Variants in RABGAP1L observed in about 807,000 individuals in gnomAD.
RABGAP1L encodes the protein rab GTPase-activating protein 1-like.
In RABGAP1L, 63 loss-of-function variants were observed where a neutral mutation model predicts 137.7. That is an observed-to-expected ratio of 0.46 (90% CI 0.37 to 0.56). The LOEUF is 0.56. Among genes scored for constraint, RABGAP1L ranks in the 20% least tolerant of loss-of-function variants. RABGAP1L has a pLI of 0.00. For missense variants in RABGAP1L, 1,095 were observed against 1,244.0 expected (o/e 0.88, Z 1.80); for synonymous variants, 431 against 433.7 (o/e 0.99, Z 0.08).
intron 4 of RABGAP1L, among the ~76,000 whole-genome samples, chr1:174,236,891 T>C (rs2148531498): frequency 2.0e-5 from 2 of 99,436 alleles, no homozygotes; most frequent in South Asian, 8.6e-4. Context: ...CCATTATTAA[T>C]GTGTGGGAGT....
chr1:174,696,850 T>C (rs139757764), intron 15 of RABGAP1L, among the ~76,000 whole-genome samples: 5 of 152,336 alleles, frequency 3.3e-5, no homozygotes, highest in African/African-American at 9.6e-5. Flanking sequence ...CTCACCTGAT[T>C]TTTTGTTTTT....
At chr1:174,732,121 C>T (rs751722844) in intron 17 of RABGAP1L, among the ~76,000 whole-genome samples, 5 of 151,988 alleles carry the variant, frequency 3.3e-5, no homozygotes, top group Admixed American at 6.6e-5. Flanking sequence ...ATCACTTGGA[C>T]CTGGAAGGTG....
intron 15 of RABGAP1L, among the ~76,000 whole-genome samples, chr1:174,691,529 G>C (rs980009258): frequency 5.9e-5 from 9 of 152,004 alleles, no homozygotes; most frequent in African/African-American, 2.2e-4. Context: ...TTTTTGTTTT[G>C]TATTTCATAA....
chr1:174,954,120 A>G (rs994831153), intron 19 of RABGAP1L: 2 of 152,210 alleles, frequency 1.3e-5, no homozygotes, highest in African/African-American at 4.8e-5. Context: ...GTCCTGAAAG[A>G]TGGTTTAAAA....
Position 174,994,342 on chromosome 1 carries a change from A to G in RABGAP1L, c.*4341A>G, listed in dbSNP as rs1257976459. ...GGCATTCCTTTCTCAGTTTGCATCT[A>G]AAAGACTACATATGTCAAGCTTATC... On this transcript the variant is annotated 3_prime_UTR_variant, in exon 26 of 26. Coordinates refer to ENST00000681986, the MANE Select transcript of RABGAP1L (RefSeq NM_001366446.1). The G allele has an allele frequency of 1.3e-5, 2 of 152,228 alleles. No individual in the cohort carries two copies. Among genetic ancestry groups the G allele is most frequent in the African/African-American group, 4.8e-5 (2 of 41,460 alleles). 9.4% of individuals were successfully genotyped at this position (152,228 alleles called of 1,614,324 possible).
intron 19 of RABGAP1L, among the ~76,000 whole-genome samples, chr1:174,899,745 G>T (rs1328902996): frequency 1.3e-5 from 2 of 151,740 alleles, no homozygotes; most frequent in Non-Finnish European, 2.9e-5. Context: ...CTATTTTTTT[G>T]AAATAAAATT....
intron 1 of RABGAP1L, among the ~76,000 whole-genome samples, chr1:174,208,798 C>G (rs1668672916): frequency 6.6e-6 from 1 of 152,138 alleles, no homozygotes; most frequent in Non-Finnish European, 1.5e-5. Context: ...ACCTCTGCTT[C>G]TATATTCTGG....
chr1:174,797,988 G>A (rs1688401574), intron 18 of RABGAP1L, among the ~76,000 whole-genome samples: 1 of 151,882 alleles, frequency 6.6e-6, no homozygotes, highest in East Asian at 1.9e-4. Flanking sequence ...GCCCAGGTTA[G>A]AGTGTAGTGG....
At chr1:174,659,827 C>CTCAGCTAACAGTAACTCCA (rs1407992376) in intron 14 of RABGAP1L, among the ~76,000 whole-genome samples, 3 of 151,990 alleles carry the variant, frequency 2.0e-5, no homozygotes, top group African/African-American at 7.2e-5. Context: ...TTTTTCCCAT[C>CTCAGCTAACAGTAACTCCA]TCAGCTAACA....
chr1:174,215,655 C>A (rs1571588534), intron 1 of RABGAP1L, among the ~76,000 whole-genome samples: 1 of 152,094 alleles, frequency 6.6e-6, no homozygotes, highest in Non-Finnish European at 1.5e-5. Context: ...GGCTTTTATT[C>A]AAAAGTCAAG....
chr1:174,383,831 A>G (rs532925568), intron 12 of RABGAP1L, among the ~76,000 whole-genome samples: 1 of 152,172 alleles, frequency 6.6e-6, no homozygotes, highest in South Asian at 2.1e-4. Flanking sequence ...TGCAACTCTC[A>G]TATGTTGCTG....
chr1:174,615,787 C>T (rs10912820), intron 13 of RABGAP1L, among the ~76,000 whole-genome samples: 59,281 of 152,058 alleles, frequency 0.39, 14,580 homozygotes, highest in African/African-American at 0.7. Context: ...CAATGGTGGG[C>T]GCCCCTCCCC....
At chr1:174,312,596 T>C (rs1678963120) in intron 11 of RABGAP1L, among the ~76,000 whole-genome samples, 1 of 152,238 alleles carries the variant, frequency 6.6e-6, no homozygotes, top group South Asian at 2.1e-4. Context: ...GCAGAAGCTT[T>C]CTAACTTGAT....
At chr1:174,544,622 A>T (rs896596690) in intron 13 of RABGAP1L, among the ~76,000 whole-genome samples, 1 of 152,126 alleles carries the variant, frequency 6.6e-6, no homozygotes, top group African/African-American at 2.4e-5. Flanking sequence ...GTCATTCTCT[A>T]TCCAGCTTTG....
At chr1:174,698,546 A>G (rs1019526813) in intron 15 of RABGAP1L, among the ~76,000 whole-genome samples, 1 of 152,192 alleles carries the variant, frequency 6.6e-6, no homozygotes, top group Non-Finnish European at 1.5e-5. Flanking sequence ...ATATGTACAA[A>G]ATGATACATA....
At chr1:174,463,438 C>T (rs1330788751) in intron 13 of RABGAP1L, among the ~76,000 whole-genome samples, 2 of 150,884 alleles carry the variant, frequency 1.3e-5, no homozygotes, top group Non-Finnish European at 2.9e-5. Flanking sequence ...CGCATGTTCT[C>T]ACTCATAGGT....
chr1:174,852,447 T>C (rs1025423252), intron 19 of RABGAP1L, among the ~76,000 whole-genome samples: 1 of 152,186 alleles, frequency 6.6e-6, no homozygotes, highest in African/African-American at 2.4e-5. Flanking sequence ...CAGGGACTTG[T>C]TGTAAGCCTG....
Position 174,990,943 on chromosome 1 carries a change from C to T in RABGAP1L, c.*942C>T, listed in dbSNP as rs1672017213. On this transcript the variant is annotated 3_prime_UTR_variant, in exon 26 of 26. Coordinates refer to ENST00000681986, the MANE Select transcript of RABGAP1L (RefSeq NM_001366446.1). ...TATATACTTGCTAAGGAAACACTAA[C>T]AATACTGTAACTTTGTTAAAGGACA... 1.3e-5 allele frequency: 2 copies of T among 152,174 alleles called. No individual in the cohort carries two copies. Among genetic ancestry groups the T allele is most frequent in the African/African-American group, 4.8e-5 (2 of 41,438 alleles). 9.4% of individuals were successfully genotyped at this position (152,174 alleles called of 1,614,324 possible). A position where few individuals can be genotyped will look rare whatever the true frequency, so the allele number is the denominator to read the frequency against.
At chr1:174,988,091 G>A (rs960274973) in intron 24 of RABGAP1L, among the ~76,000 whole-genome samples, 1 of 152,230 alleles carries the variant, frequency 6.6e-6, no homozygotes, top group Non-Finnish European at 1.5e-5. Flanking sequence ...TTACAGGCGT[G>A]AGCCACCAGG....
Sources: allele counts gnomAD v4.1 joint callset (sites outside exome capture counted in the v4.1 genomes callset), GRCh38; gene constraint gnomAD v4.1.1; transcripts MANE v1.5; gene names NCBI Gene and HGNC (gene_info 2026-07-23, HGNC 2026-07-21).